Variants in SLC30A8 observed in about 807,000 individuals in gnomAD.
SLC30A8 encodes proton-coupled zinc antiporter SLC30A8.
Under a neutral mutation model 36.9 loss-of-function variants are expected in SLC30A8, and 27 were observed. That is an observed-to-expected ratio of 0.73 (90% CI 0.54 to 1.01). SLC30A8 has a LOEUF of 1.01. Ranked by LOEUF, SLC30A8 falls within the 50% of genes least tolerant of loss-of-function variation. The probability of loss-of-function intolerance (pLI) is 0.00; values close to 1 mark genes in which losing one functional copy is unlikely to be tolerated. For missense variants in SLC30A8, 439 were observed against 452.0 expected, an observed-to-expected ratio of 0.97 and a Z score of 0.26; for synonymous variants, 164 against 172.4, an observed-to-expected ratio of 0.95 and a Z score of 0.38.
chr8:117,005,851 A>G (rs1816156152), intron 1 of SLC30A8, among the ~76,000 whole-genome samples: 1 of 152,176 alleles, frequency 6.6e-6, no homozygotes, highest in Non-Finnish European at 1.5e-5. Context: ...CCTCCAACAG[A>G]TTTTGCCATT....
chr8:117,138,820 G>A (rs535274018), intron 1 of SLC30A8, among the ~76,000 whole-genome samples: 40 of 152,094 alleles, frequency 2.6e-4, no homozygotes, highest in Non-Finnish European at 4.7e-4. Flanking sequence ...GTAGGTCACT[G>A]TCTCTTCTGC....
At chr8:117,031,977 T>C (rs1256267162) in intron 1 of SLC30A8, among the ~76,000 whole-genome samples, 1 of 152,198 alleles carries the variant, frequency 6.6e-6, no homozygotes, top group Non-Finnish European at 1.5e-5. Flanking sequence ...TCACTCCTCA[T>C]ACTTACCTTC....
intron 1 of SLC30A8, among the ~76,000 whole-genome samples, chr8:116,951,436 C>T (rs764543964): frequency 2.0e-5 from 3 of 152,140 alleles, no homozygotes; most frequent in African/African-American, 2.4e-5. Flanking sequence ...GCTATCTGCT[C>T]CTCCTCCCAA....
At chr8:117,004,990 C>T (rs1816127714) in intron 1 of SLC30A8, among the ~76,000 whole-genome samples, 1 of 152,054 alleles carries the variant, frequency 6.6e-6, no homozygotes, top group East Asian at 1.9e-4. Context: ...AAAAAAACAG[C>T]TTTATTAATA....
At position 117,175,682 on chromosome 8, in the gene SLC30A8, ATGT is replaced by A. The variant is rs989866740; in HGVS notation, c.*3006_*3008del. On this transcript the variant is annotated 3_prime_UTR_variant, in exon 8 of 8. Transcript: ENST00000456015. ...GCATGTAGTGTTCAGTACATGTTAA[ATGT>A]TGTTTTTTATTATGTACAAACATGA... 6 of 152,132 alleles carry A rather than the reference ATGT, an allele frequency of 3.9e-5. No homozygotes were observed. The highest frequency in any genetic ancestry group is 6.6e-5 in the Admixed American group (1 of 15,258). The allele number at this position is 152,132 out of a possible 1,614,324, so 9.4% of individuals were successfully genotyped here. A position where few individuals can be genotyped will look rare whatever the true frequency, so the allele number is the denominator to read the frequency against.
chr8:117,161,986 G>C, intron 5 of SLC30A8, 98 bp downstream of exon 5: 2 of 1,084,388 alleles, frequency 1.8e-6, no homozygotes, highest in Non-Finnish European at 2.6e-6. Flanking sequence ...GGCATCCTCT[G>C]TTTACCTATA....
At chr8:117,162,171 C>G (rs907588475) in intron 5 of SLC30A8, among the ~76,000 whole-genome samples, 4 of 152,170 alleles carry the variant, frequency 2.6e-5, no homozygotes, top group Non-Finnish European at 5.9e-5. Context: ...TGCTCCTAGA[C>G]AGACATCAAA....
At chr8:116,978,598 A>G (rs906004645) in intron 1 of SLC30A8, among the ~76,000 whole-genome samples, 3 of 152,070 alleles carry the variant, frequency 2.0e-5, no homozygotes, top group African/African-American at 7.2e-5. Flanking sequence ...TTTCTCTCTT[A>G]TTACAGTATG....
At chr8:117,170,574 G>C (rs1357622884) in intron 6 of SLC30A8, among the ~76,000 whole-genome samples, 1 of 152,126 alleles carries the variant, frequency 6.6e-6, no homozygotes, top group Non-Finnish European at 1.5e-5. Context: ...AAAGATCTCT[G>C]TGATCTATGT....
chr8:116,978,413 T>A (rs1313558838), intron 1 of SLC30A8, among the ~76,000 whole-genome samples: 10 of 152,212 alleles, frequency 6.6e-5, no homozygotes. Flanking sequence ...CCACTGGCTA[T>A]GATGCTCTAA....
chr8:117,132,487 A>T (rs561415643), upstream of SLC30A8, among the ~76,000 whole-genome samples: 42 of 152,006 alleles, frequency 2.8e-4, no homozygotes, highest in Non-Finnish European at 4.7e-4. Flanking sequence ...GAGTGGGCGG[A>T]GAAGACAACC....
chr8:117,000,238 G>A (rs1390802997), intron 1 of SLC30A8, among the ~76,000 whole-genome samples: 2 of 152,208 alleles, frequency 1.3e-5, no homozygotes, highest in Non-Finnish European at 2.9e-5. Context: ...AGTGAGGTGG[G>A]TGTGGGCAGT....
intron 2 of SLC30A8, among the ~76,000 whole-genome samples, chr8:117,069,463 A>T (rs952796000): frequency 4.6e-5 from 7 of 152,226 alleles, no homozygotes; most frequent in Non-Finnish European, 8.8e-5. Context: ...AAGTGACTGT[A>T]TTATGGGAAA....
At chr8:116,972,152 G>T (rs1207161144) in intron 1 of SLC30A8, among the ~76,000 whole-genome samples, 2 of 152,122 alleles carry the variant, frequency 1.3e-5, no homozygotes, top group African/African-American at 2.4e-5. Flanking sequence ...TTCTTCCCAA[G>T]AAACATGTCT....
chr8:117,028,073 C>T (rs1461346628), intron 1 of SLC30A8, among the ~76,000 whole-genome samples: 4 of 152,168 alleles, frequency 2.6e-5, no homozygotes, highest in Non-Finnish European at 5.9e-5. Context: ...GTTTTGAAGG[C>T]TGCCGTGCGT....
At chr8:116,976,829 T>TCTTTTCTTTTCTTTTCTTTTCTTTTC (rs1815043579) in intron 1 of SLC30A8, among the ~76,000 whole-genome samples, 16 of 144,382 alleles carry the variant, frequency 1.1e-4, no homozygotes, top group African/African-American at 4.6e-4. Flanking sequence ...TTTCTTTTTT[T>TCTTTTCTTTTCTTTTCTTTTCTTTTC]TTTTTTTTTA....
In SLC30A8 at chr8:117,144,889, A is replaced by G. The variant is rs57173030; in HGVS notation, c.72-2065A>G. Among the ~76,000 whole-genome samples, 604 of 152,322 alleles carry G rather than the reference A, an allele frequency of 4.0e-3. 2 individuals are homozygous for G. The highest frequency in any genetic ancestry group is 0.012 in the African/African-American group (510 of 41,592). ...TCTGAGTATAATAATGCCTAAGTCA[A>G]TCAGCTCATCCATATTCCCCTGGCT... On this transcript the variant is annotated intron_variant, in intron 1 of 7. Coordinates refer to ENST00000456015, the MANE Select transcript of SLC30A8 (RefSeq NM_173851.3).
intron 1 of SLC30A8, among the ~76,000 whole-genome samples, chr8:117,138,585 A>C (rs1313109095): frequency 6.6e-6 from 1 of 151,946 alleles, no homozygotes; most frequent in Non-Finnish European, 1.5e-5. Context: ...CAGAAATTCT[A>C]TTCATTGTAG....
chr8:116,964,177 A>C (rs1286145494), intron 1 of SLC30A8, among the ~76,000 whole-genome samples: 1 of 152,214 alleles, frequency 6.6e-6, no homozygotes, highest in African/African-American at 2.4e-5. Flanking sequence ...GTTTGTCTTA[A>C]TTTGACCTGT....
Sources: allele counts gnomAD v4.1 joint callset (sites outside exome capture counted in the v4.1 genomes callset), GRCh38; gene constraint gnomAD v4.1.1; transcripts MANE v1.5; gene names NCBI Gene and HGNC (gene_info 2026-07-23, HGNC 2026-07-21).